Variants in DNASE1 observed in about 807,000 individuals in gnomAD.
DNASE1 encodes deoxyribonuclease 1.
Under a neutral mutation model 33.9 loss-of-function variants are expected in DNASE1, and 40 were observed. That is an observed-to-expected ratio of 1.18 (90% CI 0.92 to 1.54). The LOEUF is 1.54. DNASE1 is among the 40% of genes most tolerant of loss of function. The pLI is 0.00. For missense variants in DNASE1, 518 were observed against 372.6 expected (o/e 1.39, Z -3.21); for synonymous variants, 216 against 160.0 (o/e 1.35, Z -2.64).
upstream of DNASE1, chr16:3,650,810 A>G (rs939302593): frequency 1.3e-5 from 2 of 152,108 alleles, no homozygotes; most frequent in African/African-American, 4.8e-5. Flanking sequence ...ATCTGGTAGA[A>G]CACCGCCACC....
chr16:3,628,683 C>T (rs1189597877), intron 1 of DNASE1, among the ~76,000 whole-genome samples: 1 of 151,158 alleles, frequency 6.6e-6, no homozygotes, highest in Non-Finnish European at 1.5e-5. Context: ...CTCAGGCTCC[C>T]GAATAGCTGG....
At chr16:3,626,866 A>G (rs2041529123) in intron 1 of DNASE1, among the ~76,000 whole-genome samples, 1 of 151,612 alleles carries the variant, frequency 6.6e-6, no homozygotes, top group Non-Finnish European at 1.5e-5. Context: ...GCCCTCTTTT[A>G]TTTATTTTAT....
At chr16:3,659,132 C>T (rs529953165), downstream of DNASE1, 108 of 373,638 alleles carry the variant, frequency 2.9e-4, no homozygotes, top group African/African-American at 1.9e-3. Flanking sequence ...GAGCTTAGTA[C>T]GTGAAGACAT....
intron 1 of DNASE1, among the ~76,000 whole-genome samples, chr16:3,621,361 A>G (rs1260284748): frequency 2.0e-5 from 3 of 152,188 alleles, no homozygotes; most frequent in East Asian, 1.9e-4. Flanking sequence ...GTTTACAGGT[A>G]TGAGCCATTG....
chr16:3,657,065 C>G lies in DNASE1; in HGVS notation c.503C>G (p.Ala168Gly), dbSNP rs150933932. The change falls in exon 6 of 9, where the codon GCT (alanine) becomes GGT (glycine). Residue 168 changes from alanine (A) to glycine (G), a missense_variant. Ala to Gly is a moderately conservative substitution (Grantham distance 60). Coordinates refer to ENST00000246949, the MANE Select transcript of DNASE1 (RefSeq NM_005223.4). ...GGGGACGCAGTAGCCGAGATCGACG[C>G]TCTCTATGACGTCTACCTGGATGTC... ...APGDAVAEID[A>G]LYDVYLDVQE... 6.2e-6 allele frequency: 10 copies of G among 1,613,968 alleles called. No individual in the cohort carries two copies. The highest frequency in any genetic ancestry group is 7.6e-6 in the Non-Finnish European group (9 of 1,180,034).
intron 1 of DNASE1, among the ~76,000 whole-genome samples, chr16:3,628,564 TC>T (rs1262784846): frequency 6.6e-6 from 1 of 151,896 alleles, no homozygotes; most frequent in African/African-American, 2.4e-5. Flanking sequence ...TTTTTTTCTT[TC>T]TTTTTTTTTT....
At chr16:3,644,370 C>T (rs2042108454) in intron 1 of DNASE1, among the ~76,000 whole-genome samples, 1 of 152,124 alleles carries the variant, frequency 6.6e-6, no homozygotes, top group Admixed American at 6.6e-5. Flanking sequence ...CAAGACCAGC[C>T]TGGCCAACAT....
In DNASE1 at chr16:3,619,563, G is replaced by A. The variant is rs1001081860; in HGVS notation, c.-1359+7557G>A. On this transcript the variant is annotated intron_variant and NMD_transcript_variant, in intron 1 of 11. Coordinates refer to the DNASE1 transcript ENST00000570769. ...TTTTTAGTAGAGACAGGGTTTCACC[G>A]TGTTAGCCAGGATGGTCTCTATCTG... Among the ~76,000 whole-genome samples the A allele has an allele frequency of 5.3e-5, 8 of 150,504 alleles. No homozygotes were observed. In the East Asian group the frequency reaches 5.9e-4, roughly 11 times the overall value.
At chr16:3,648,255 T>C (rs2042230595) in intron 1 of DNASE1, among the ~76,000 whole-genome samples, 1 of 150,596 alleles carries the variant, frequency 6.6e-6, no homozygotes, top group Non-Finnish European at 1.5e-5. Flanking sequence ...TGCACTACAA[T>C]TGTGCCTGTG....
chr16:3,657,237 C>G lies in DNASE1; in HGVS notation c.600C>G (p.Pro200=), dbSNP rs1158931750. The change falls in exon 7 of 9, where the codon CCC becomes CCG. Residue 200 remains proline (P), a synonymous_variant. Transcript: ENST00000246949. Reference sequence around the variant, plus strand: ...ATGCGGGCTGCAGCTATGTGAGACCCTCCCAGTGGTCATCCATCCGCCTGT... The same window carrying G: ...ATGCGGGCTGCAGCTATGTGAGACCGTCCCAGTGGTCATCCATCCGCCTGT... The part of the protein sequence containing the change: ...DFNAGCSYVR[P]SQWSSIRLWT... The G allele has an allele frequency of 6.2e-7, 1 of 1,614,050 alleles. No individual in the cohort carries two copies.
At chr16:3,657,676 A>C in intron 7 of DNASE1, 44 bp from the exon 8 acceptor site, 2 of 1,611,450 alleles carry the variant, frequency 1.2e-6, no homozygotes, top group Non-Finnish European at 1.7e-6. Flanking sequence ...AGCCAGGCCC[A>C]TGTGTGAAAG....
At chr16:3,641,199 G>A, upstream of DNASE1, 2 of 372,122 alleles carry the variant, frequency 5.4e-6, no homozygotes, top group East Asian at 7.7e-5. Context: ...CCCTCCATGT[G>A]GGCCACAGGG....
At chr16:3,653,563 C>T (rs924869624), upstream of DNASE1, 4 of 151,962 alleles carry the variant, frequency 2.6e-5, no homozygotes, top group Non-Finnish European at 5.9e-5. Context: ...AATCCCAGCA[C>T]TTTGGGAGGC....
intron 1 of DNASE1, among the ~76,000 whole-genome samples, chr16:3,612,369 C>T (rs1169426295): frequency 6.6e-6 from 1 of 151,848 alleles, no homozygotes; most frequent in Non-Finnish European, 1.5e-5. Context: ...TTGTGCCTCA[C>T]CTTCCCAAGT....
rs142644209 is a variant in DNASE1 at position 3,657,205 on chromosome 16, G to T, written c.568G>T (p.Asp190Tyr). ...WGLEDVMLMG[D>Y]FNAGCSYVRP... Reference sequence around the variant, plus strand: ...CTGGTAGGACGTCATGTTGATGGGCGACTTCAATGCGGGCTGCAGCTATGT... The same window carrying T: ...CTGGTAGGACGTCATGTTGATGGGCTACTTCAATGCGGGCTGCAGCTATGT... The change falls in exon 7 of 9, where the codon GAC becomes TAC. Residue 190 changes from aspartate (D) to tyrosine (Y), a missense_variant. Physicochemically the swap from Asp to Tyr is radical, Grantham distance 160. Transcript: ENST00000246949. The T allele has an allele frequency of 5.6e-6, 9 of 1,613,968 alleles. No individual in the cohort carries two copies. Among genetic ancestry groups the T allele is most frequent in the African/African-American group, 1.3e-5 (1 of 74,938 alleles).
intron 1 of DNASE1, among the ~76,000 whole-genome samples, chr16:3,637,690 A>T (rs373749194): frequency 1.2e-4 from 19 of 152,176 alleles, no homozygotes; most frequent in African/African-American, 4.1e-4. Flanking sequence ...CATAGTCCAC[A>T]TGGCTGCTTT....
upstream of DNASE1, chr16:3,653,527 G>A (rs886702429): frequency 2.6e-5 from 4 of 152,110 alleles, no homozygotes; most frequent in Non-Finnish European, 4.4e-5. Context: ...TTAAAAAATA[G>A]GCTGGGTGCG....
chr16:3,649,859 T>C (rs1177458778), upstream of DNASE1, among the ~76,000 whole-genome samples: 2 of 151,756 alleles, frequency 1.3e-5, no homozygotes, highest in Non-Finnish European at 1.5e-5. Flanking sequence ...AGGCATGACA[T>C]GGGCCTTCAA....
downstream of DNASE1, chr16:3,662,996 A>T (rs1214632911): frequency 1.3e-6 from 2 of 1,554,630 alleles, no homozygotes; most frequent in African/African-American, 2.7e-5. Flanking sequence ...CAGGGAGCTC[A>T]GGCCTGCATC....
Sources: allele counts gnomAD v4.1 joint callset (sites outside exome capture counted in the v4.1 genomes callset), GRCh38; gene constraint gnomAD v4.1.1; transcripts MANE v1.5; gene names NCBI Gene and HGNC (gene_info 2026-07-23, HGNC 2026-07-21).